The following LOXL3 variants were observed in gnomAD, a reference collection of about 807,000 sequenced individuals.
The protein encoded by LOXL3 is lysyl oxidase homolog 3.
A neutral mutation model predicts 91.8 loss-of-function variants in LOXL3; 60 were observed. That is an observed-to-expected ratio of 0.65 (90% CI 0.53 to 0.81). The LOEUF (loss-of-function observed/expected upper bound fraction) is 0.81, where lower values mean the gene tolerates loss of function less well. Among genes scored for constraint, LOXL3 ranks in the 30% least tolerant of loss-of-function variants. The pLI, the probability that LOXL3 is intolerant of heterozygous loss-of-function variation, is 0.00. For missense variants in LOXL3, 874 were observed against 1,000.4 expected (o/e 0.87, Z 1.70); for synonymous variants, 355 against 387.6 (o/e 0.92, Z 0.99).
chr2:74,538,448 C>T lies in LOXL3; in HGVS notation c.693-1520G>A, dbSNP rs116171377. Among the ~76,000 whole-genome samples, 20 of 152,294 alleles carry T rather than the reference C, an allele frequency of 1.3e-4. 1 individual carries two copies. In the South Asian group the frequency reaches 2.3e-3, roughly 17 times the overall value. ...AGGAGGGGAGAAAGGGATGAATTAT[C>T]GATACTTCAGTCCCTCTTGAAGTTA... On this transcript the variant is annotated intron_variant, in intron 4 of 13. Transcript: ENST00000264094.
At chr2:74,534,797 T>C in intron 9 of LOXL3, 23 bp from the exon 10 acceptor site, 1 of 1,603,124 alleles carries the variant, frequency 6.2e-7, no homozygotes, top group Non-Finnish European at 8.5e-7. Flanking sequence ...AGGAAGGGGG[T>C]GTTAGAAGTC....
intron 2 of LOXL3, among the ~76,000 whole-genome samples, chr2:74,551,645 T>C (rs539134431): frequency 6.6e-6 from 1 of 152,386 alleles, no homozygotes; most frequent in South Asian, 2.1e-4. Context: ...CATTTTCTAC[T>C]GTCCCTCTTA....
chr2:74,555,033 C>T (rs1558635188), upstream of LOXL3: 1 of 1,419,132 alleles, frequency 7.0e-7, no homozygotes, highest in East Asian at 2.5e-5. This position sits in a 1 kb window ranked among gnomAD's most constrained non-coding sequence, Gnocchi z 6.1. Flanking sequence ...GAAACTTCGC[C>T]CCCAACCCCG....
At chr2:74,547,635 T>C (rs1676678970) in intron 4 of LOXL3, among the ~76,000 whole-genome samples, 1 of 150,154 alleles carries the variant, frequency 6.7e-6, no homozygotes, top group African/African-American at 2.5e-5. Context: ...TGTGAGCAGG[T>C]ATAGAAAAGA....
intron 1 of LOXL3, chr2:74,552,929 G>C (rs1573032752): frequency 2.6e-6 from 1 of 383,754 alleles, no homozygotes; most frequent in East Asian, 4.1e-5. Flanking sequence ...AAGAGATAGA[G>C]ACTGAGCAAG....
chr2:74,545,862 T>C (rs1676560357), intron 4 of LOXL3, among the ~76,000 whole-genome samples: 1 of 152,232 alleles, frequency 6.6e-6, no homozygotes, highest in Admixed American at 6.5e-5. Flanking sequence ...TTATATGTTT[T>C]ACTCAACTGA....
intron 4 of LOXL3, among the ~76,000 whole-genome samples, chr2:74,545,797 CTCTG>C (rs1676557631): frequency 6.6e-6 from 1 of 152,194 alleles, no homozygotes; most frequent in Admixed American, 6.5e-5. Flanking sequence ...CTGGGCCTCT[CTCTG>C]TCTTTTAAAT....
Position 74,549,524 on chromosome 2 carries a change from T to C in LOXL3, c.537A>G (p.Arg179=). The change falls in exon 4 of 14, where the codon AGA becomes AGG. Residue 179 remains arginine, a synonymous_variant. Coordinates refer to ENST00000264094, the MANE Select transcript of LOXL3 (RefSeq NM_032603.5). The surrounding 1 kb of genome is among the most constrained non-coding windows in gnomAD (Gnocchi z 5.3). ...VRIRPAVGWG[R]RPLPVTEGLV... ...GCCCCTCCGTCACGGGCAGGGGTCG[T>C]CTGCCCCACCCAACGGCGGGTCGAA... 1 of 1,613,360 alleles carries C rather than the reference T, an allele frequency of 6.2e-7. No homozygotes were observed.
In LOXL3 at chr2:74,552,625, C is replaced by G; in HGVS notation, c.10G>C (p.Val4Leu). The G allele has an allele frequency of 6.4e-7, 1 of 1,560,234 alleles. No homozygotes were observed. The highest frequency in any genetic ancestry group is 8.7e-7 in the Non-Finnish European group (1 of 1,145,798). The change falls in exon 2 of 14, where the codon GTC becomes CTC. Residue 4 changes from valine to leucine, a missense_variant. Transcript: ENST00000264094. ...CAGGGGCTCCACTGCCAGACACTGA[C>G]AGGTCGCATGGCAGGGAAGGCCTGG... MRP[V>L]SVWQWSPWGL...
At position 74,552,309 on chromosome 2, in the gene LOXL3, G is replaced by A. The variant is rs770359522; in HGVS notation, c.313+13C>T. On this transcript the variant is annotated intron_variant, in intron 2 of 13. Coordinates refer to ENST00000264094, the MANE Select transcript of LOXL3 (RefSeq NM_032603.5). ...ATAGGAAATATCTAGGATATGCCTG[G>A]ATCATTGCTCACCTGTTCCAGGGCC... 3 of 1,589,204 alleles carry A rather than the reference G, an allele frequency of 1.9e-6. No individual in the cohort carries two copies. The highest frequency in any genetic ancestry group is 2.2e-5 in the South Asian group (2 of 90,264).
chr2:74,549,753 C>T lies in LOXL3; in HGVS notation c.478-170G>A. The T allele has an allele frequency of 7.0e-7, 1 of 1,435,372 alleles. No homozygotes were observed. Among genetic ancestry groups the T allele is most frequent in the East Asian group, 2.5e-5 (1 of 39,668 alleles). 88.9% of individuals were successfully genotyped at this position (1,435,372 alleles called of 1,614,324 possible). A position where few individuals can be genotyped will look rare whatever the true frequency, so the allele number is the denominator to read the frequency against. On this transcript the variant is annotated intron_variant, in intron 3 of 13. Coordinates refer to ENST00000264094, the MANE Select transcript of LOXL3 (RefSeq NM_032603.5). This position sits in a 1 kb window ranked among gnomAD's most constrained non-coding sequence, Gnocchi z 5.3. ...GGCCGCAGTCCGCGGTGTGGACTCT[C>T]TTGCAGCCAGCAGCGCGTGGGATGT...
At position 74,549,438 on chromosome 2, in the gene LOXL3, TG is replaced by T. The variant is rs1676847157; in HGVS notation, c.622del (p.His208ThrfsTer26). ...CATCCCGCAGACCACGTGGCTGTTG[TG>T]GGCGCTCCAGCCTTTGTCGCACACT... is the stretch of plus-strand genomic sequence containing the variant. Reference protein sequence around the residue: ...SQVCDKGWSAHNSHVVCGMLG... With the variant: ...SQVCDKGWSAXNSHVVCGMLG... On this transcript the variant is annotated frameshift_variant, in exon 4 of 14. Transcript: ENST00000264094. LOFTEE classifies it high-confidence loss of function. The surrounding 1 kb of genome is among the most constrained non-coding windows in gnomAD (Gnocchi z 5.3). 6.2e-7 allele frequency: 1 copy of T among 1,613,260 alleles called. No individual in the cohort carries two copies. The highest frequency in any genetic ancestry group is 8.5e-7 in the Non-Finnish European group (1 of 1,179,692).
At chr2:74,546,822 T>C (rs1676618179) in intron 4 of LOXL3, among the ~76,000 whole-genome samples, 1 of 152,216 alleles carries the variant, frequency 6.6e-6, no homozygotes, top group Admixed American at 6.5e-5. Context: ...GTTCAAGCCA[T>C]TCTCCCGCCT....
At chr2:74,546,292 G>A (rs1255272658) in intron 4 of LOXL3, among the ~76,000 whole-genome samples, 1 of 151,954 alleles carries the variant, frequency 6.6e-6, no homozygotes, top group African/African-American at 2.4e-5. Context: ...ATAAAGCAGT[G>A]AAAGTAGTAC....
chr2:74,548,674 T>C (rs572638739), intron 4 of LOXL3, among the ~76,000 whole-genome samples: 1 of 151,896 alleles, frequency 6.6e-6, no homozygotes, highest in Non-Finnish European at 1.5e-5. Flanking sequence ...AAGATCAAAG[T>C]AGATGTTCCA....
chr2:74,552,656 C>A lies in LOXL3; in HGVS notation c.-12-10G>T. 1 of 1,516,158 alleles carries A rather than the reference C, an allele frequency of 6.6e-7. No individual in the cohort carries two copies. Among genetic ancestry groups the A allele is most frequent in the African/African-American group, 1.4e-5 (1 of 72,406 alleles). 93.9% of individuals were successfully genotyped at this position (1,516,158 alleles called of 1,614,324 possible). A position where few individuals can be genotyped will look rare whatever the true frequency, so the allele number is the denominator to read the frequency against. On this transcript the variant is annotated splice_polypyrimidine_tract_variant and intron_variant, in intron 1 of 13. Coordinates refer to ENST00000264094, the MANE Select transcript of LOXL3 (RefSeq NM_032603.5). ...GCATGGCAGGGAAGGCCTGGGTGCC[C>A]CAGAGACAAAGTGTGCGTGAGAGAA... is the stretch of plus-strand genomic sequence containing the variant.
intron 4 of LOXL3, among the ~76,000 whole-genome samples, chr2:74,547,003 C>T (rs188923778): frequency 5.3e-5 from 8 of 152,108 alleles, no homozygotes; most frequent in East Asian, 1.9e-4. Flanking sequence ...TGTGAGCCAC[C>T]GTGCCCGGCC....
rs368911743 is a variant in LOXL3, at chr2:74,534,730, C to T, written c.1624G>A (p.Ala542Thr). The T allele has an allele frequency of 1.2e-5, 20 of 1,614,026 alleles. No homozygotes were observed. Among genetic ancestry groups the T allele is most frequent in the Admixed American group, 1.2e-4 (7 of 60,012 alleles). Residue 542 changes from alanine (A) to threonine (T), a missense_variant, in exon 10 of 14, where the codon GCC becomes ACC. By Grantham distance (58) the Ala-to-Thr change is moderately conservative (BLOSUM62 0). Transcript: ENST00000264094. The part of the protein sequence containing the change: ...LLHSALVQET[A>T]YIEDRPLHML... ...TGCAGGGGCCGGTCTTCGATGTAGG[C>T]GGTCTCCTGCACCAGTGCTGAGTGC...
chr2:74,543,248 T>C (rs1268822932), intron 4 of LOXL3, among the ~76,000 whole-genome samples: 1 of 152,192 alleles, frequency 6.6e-6, no homozygotes, highest in East Asian at 1.9e-4. Flanking sequence ...CCCTATCTGG[T>C]CATTAAAATT....
Sources: allele counts gnomAD v4.1 joint callset (sites outside exome capture counted in the v4.1 genomes callset), GRCh38; gene constraint gnomAD v4.1.1; non-coding constraint Gnocchi (gnomAD v3.1); transcripts MANE v1.5; gene names NCBI Gene and HGNC (gene_info 2026-07-23, HGNC 2026-07-21).